Variants in TOR1AIP1 observed in about 807,000 individuals in gnomAD.
The protein encoded by TOR1AIP1 is torsin-1A-interacting protein 1.
TOR1AIP1 carries 54 observed loss-of-function variants against 63.3 expected under a neutral mutation model. The ratio of observed to expected loss-of-function variants is 0.85; its 90% CI spans 0.69 to 1.07. The LOEUF (loss-of-function observed/expected upper bound fraction) is 1.07. Ranked by LOEUF, TOR1AIP1 falls within the 50% of genes least tolerant of loss-of-function variation. TOR1AIP1 has a pLI of 0.00. For missense variants in TOR1AIP1, 736 were observed against 715.0 expected (o/e 1.03, Z -0.33); for synonymous variants, 294 against 273.5 (o/e 1.07, Z -0.74).
chr1:179,887,430 C>G (rs1223010016), intron 2 of TOR1AIP1, among the ~76,000 whole-genome samples: 1 of 151,862 alleles, frequency 6.6e-6, no homozygotes, highest in African/African-American at 2.4e-5. Context: ...AAAGGACCAC[C>G]TTATAAAACA....
At chr1:179,894,448 A>G (rs1405321021) in intron 3 of TOR1AIP1, among the ~76,000 whole-genome samples, 1 of 152,150 alleles carries the variant, frequency 6.6e-6, no homozygotes, top group Non-Finnish European at 1.5e-5. Flanking sequence ...GCACTTTGGG[A>G]GGCTGAGGTG....
chr1:179,882,465 A>G lies in TOR1AIP1; in HGVS notation c.-38A>G. On this transcript the variant is annotated 5_prime_UTR_variant, in exon 1 of 10. Transcript: ENST00000606911. ...CGGCAGGAGAACCTAGGGTCCATAA[A>G]GCCATCTTCGCGATCGACTAAAGCT... The G allele has an allele frequency of 7.1e-7, 1 of 1,416,414 alleles. No individual in the cohort carries two copies. The highest frequency in any genetic ancestry group is 9.2e-7 in the Non-Finnish European group (1 of 1,083,142). 87.7% of individuals were successfully genotyped at this position (1,416,414 alleles called of 1,614,324 possible).
intron 5 of TOR1AIP1, 74 bp downstream of exon 5, chr1:179,901,462 A>G: frequency 1.1e-6 from 1 of 870,386 alleles, no homozygotes; most frequent in Non-Finnish European, 1.7e-6. Flanking sequence ...GCTTTTTAAA[A>G]AAAACTTTCA....
intron 7 of TOR1AIP1, among the ~76,000 whole-genome samples, 163 bp downstream of exon 7, chr1:179,908,027 G>A (rs180926512): frequency 1.1e-4 from 16 of 142,456 alleles, no homozygotes; most frequent in African/African-American, 3.4e-4. Context: ...TCCTGCCTCC[G>A]CCTCCCAAGT....
At position 179,917,585 on chromosome 1, in the gene TOR1AIP1, A is replaced by G. The variant is rs139032980; in HGVS notation, c.1098A>G (p.Gln366=). The change falls in exon 10 of 10, where the codon CAA becomes CAG. Residue 366 remains glutamine, a synonymous_variant. Coordinates refer to ENST00000606911, the MANE Select transcript of TOR1AIP1 (RefSeq NM_015602.4). ...CTGAGGTAGAAACCACTGCTGTTCA[A>G]GAGTTCCAGAACCAGATGAATCAAC... is the stretch of plus-strand genomic sequence containing the variant. ...STPEVETTAV[Q]EFQNQMNQLK... 14 of 1,614,072 alleles carry G rather than the reference A, an allele frequency of 8.7e-6. No individual in the cohort carries two copies. In the African/African-American group the frequency reaches 1.7e-4, roughly 20 times the overall value.
chr1:179,912,272 G>T (rs1206980576), intron 8 of TOR1AIP1, among the ~76,000 whole-genome samples: 1 of 151,882 alleles, frequency 6.6e-6, no homozygotes, highest in Admixed American at 6.6e-5. Flanking sequence ...CACCCACCTC[G>T]ACCTCCCAAA....
chr1:179,905,917 C>T lies in TOR1AIP1; in HGVS notation c.796+1895C>T, dbSNP rs559314424. On this transcript the variant is annotated intron_variant, in intron 6 of 9. Coordinates refer to ENST00000606911, the MANE Select transcript of TOR1AIP1 (RefSeq NM_015602.4). Reference sequence around the variant, plus strand: ...GCAGTGAACTGGGATTGCACCACTGCACTCCAGCCTGGGTGACAGGGCAAG... The same window carrying T: ...GCAGTGAACTGGGATTGCACCACTGTACTCCAGCCTGGGTGACAGGGCAAG... 4.6e-5 allele frequency among the ~76,000 whole-genome samples: 7 copies of T among 152,180 alleles called. No individual in the cohort carries two copies. The South Asian group carries it at 1.2e-3, about 27-fold the overall frequency.
Position 179,907,821 on chromosome 1 carries a change from A to G in TOR1AIP1, c.797-2A>G. The G allele has an allele frequency of 6.3e-7, 1 of 1,586,156 alleles. No individual in the cohort carries two copies. On this transcript the variant is annotated splice_acceptor_variant, in intron 6 of 9. Coordinates refer to ENST00000606911, the MANE Select transcript of TOR1AIP1 (RefSeq NM_015602.4). LOFTEE classifies it high-confidence loss of function. ...TGACCTTATCCCTGTTTTCTGTTTCAGGTCAAAACTTCACAGCTCATGATA... is the reference window on the plus strand; with the variant it reads ...TGACCTTATCCCTGTTTTCTGTTTCGGGTCAAAACTTCACAGCTCATGATA...
chr1:179,895,880 C>G (rs112963953), intron 3 of TOR1AIP1, among the ~76,000 whole-genome samples: 21,790 of 151,746 alleles, frequency 0.14, 1,712 homozygotes, highest in African/African-American at 0.2. Context: ...CATTGCACCA[C>G]TGCACTCCAG....
At chr1:179,889,426 A>G in intron 3 of TOR1AIP1, 57 bp downstream of exon 3, 1 of 1,439,326 alleles carries the variant, frequency 6.9e-7, no homozygotes, top group Non-Finnish European at 9.7e-7. Flanking sequence ...TTTATTTTTA[A>G]ATATGGTTGT....
rs1390669499 is a variant in TOR1AIP1, at chr1:179,913,979, T to C, written c.908-19T>C. ...TGAAGCATAAGTTGATAGTCTTATTTTATTACTCTCACCATTAGATGACAG... is the reference window on the plus strand; with the variant it reads ...TGAAGCATAAGTTGATAGTCTTATTCTATTACTCTCACCATTAGATGACAG... On this transcript the variant is annotated intron_variant, in intron 8 of 9. Coordinates refer to ENST00000606911, the MANE Select transcript of TOR1AIP1 (RefSeq NM_015602.4). The C allele has an allele frequency of 6.2e-7, 1 of 1,609,084 alleles. No individual in the cohort carries two copies. Among genetic ancestry groups the C allele is most frequent in the Non-Finnish European group, 8.5e-7 (1 of 1,176,528 alleles).
At position 179,918,899 on chromosome 1, in the gene TOR1AIP1, C is replaced by T. The variant is rs924474278; in HGVS notation, c.*660C>T. 1.3e-5 allele frequency: 2 copies of T among 151,974 alleles called. No individual in the cohort carries two copies. Among genetic ancestry groups the T allele is most frequent in the Non-Finnish European group, 2.9e-5 (2 of 67,992 alleles). 9.4% of individuals were successfully genotyped at this position (151,974 alleles called of 1,614,324 possible). A position where few individuals can be genotyped will look rare whatever the true frequency, so the allele number is the denominator to read the frequency against. On this transcript the variant is annotated 3_prime_UTR_variant, in exon 10 of 10. Transcript: ENST00000606911. ...ATGAACTGTTAATCTTGGTGGATTCCGTTGGGATTTGTTTTTTACATCTCC... is the reference window on the plus strand; with the variant it reads ...ATGAACTGTTAATCTTGGTGGATTCTGTTGGGATTTGTTTTTTACATCTCC...
intron 8 of TOR1AIP1, among the ~76,000 whole-genome samples, chr1:179,912,503 C>CTG (rs1390480195): frequency 6.6e-6 from 1 of 152,070 alleles, no homozygotes; most frequent in Non-Finnish European, 1.5e-5. Flanking sequence ...TATTATTTAG[C>CTG]TGTCCTTCAT....
At chr1:179,890,066 T>G (rs1201471183) in intron 3 of TOR1AIP1, among the ~76,000 whole-genome samples, 1 of 152,242 alleles carries the variant, frequency 6.6e-6, no homozygotes, top group East Asian at 1.9e-4. Flanking sequence ...TTCCTGTGAT[T>G]CTTTATGATG....
intron 6 of TOR1AIP1, among the ~76,000 whole-genome samples, chr1:179,907,615 A>ATATATATATATATATATG (rs1231288551): frequency 9.1e-5 from 2 of 22,070 alleles, no homozygotes; most frequent in Non-Finnish European, 1.2e-4. Flanking sequence ...ATATATATAT[A>ATATATATATATATATATG]TATGTATATA....
rs1649090156 is a variant in TOR1AIP1 at position 179,918,330 on chromosome 1, A to C, written c.*91A>C. 5 of 1,278,754 alleles carry C rather than the reference A, an allele frequency of 3.9e-6. No individual in the cohort carries two copies. The highest frequency in any genetic ancestry group is 5.3e-6 in the Non-Finnish European group (5 of 946,696). 79.2% of individuals were successfully genotyped at this position (1,278,754 alleles called of 1,614,324 possible). On this transcript the variant is annotated 3_prime_UTR_variant, in exon 10 of 10. Transcript: ENST00000606911. The stretch of plus-strand genomic sequence containing the variant: ...CAGAATTCAGAGCTCTTTTTGAAAG[A>C]ACTAGTTTCTTTTTAAAGAAGTTAA...
At chr1:179,887,212 A>G in intron 2 of TOR1AIP1, among the ~76,000 whole-genome samples, 1 of 136,548 alleles carries the variant, frequency 7.3e-6, no homozygotes, top group Non-Finnish European at 1.7e-5. Flanking sequence ...AGCCTGGCCA[A>G]TATGGTGAAA....
chr1:179,882,622 C>T lies in TOR1AIP1; in HGVS notation c.120C>T (p.Ser40=). 1.3e-6 allele frequency: 2 copies of T among 1,531,566 alleles called. No individual in the cohort carries two copies. Among genetic ancestry groups the T allele is most frequent in the African/African-American group, 1.4e-5 (1 of 72,092 alleles). 94.9% of individuals were successfully genotyped at this position (1,531,566 alleles called of 1,614,324 possible). ...TCGCCCCTCAAAATGGCGGCAGCAG[C>T]GATGCGCCTGCGTACAGAACTCCTC... ...GRLAPQNGGS[S]DAPAYRTPPS... The change falls in exon 1 of 10, where the codon AGC becomes AGT. Residue 40 remains serine, a synonymous_variant. Coordinates refer to ENST00000606911, the MANE Select transcript of TOR1AIP1 (RefSeq NM_015602.4).
chr1:179,907,790 A>T (rs1383353401), intron 6 of TOR1AIP1, 33 bp from the exon 7 acceptor site: 22 of 1,539,886 alleles, frequency 1.4e-5, no homozygotes, highest in Non-Finnish European at 1.9e-5. Context: ...ATTTTCAAGT[A>T]TTCTATGACC....
Sources: allele counts gnomAD v4.1 joint callset (sites outside exome capture counted in the v4.1 genomes callset), GRCh38; gene constraint gnomAD v4.1.1; transcripts MANE v1.5; gene names NCBI Gene and HGNC (gene_info 2026-07-23, HGNC 2026-07-21).